The following PAXIP1 variants were observed in gnomAD, a reference collection of about 807,000 sequenced individuals.
PAXIP1 encodes PAX interacting protein 1, also known as PAX-interacting protein 1.
In PAXIP1, 19 loss-of-function variants were observed where a neutral mutation model predicts 140.6. The observed-to-expected ratio is 0.14, with a 90% CI of 0.09 to 0.20. The LOEUF is 0.20. PAXIP1 is among the 10% of genes least tolerant of loss of function. The probability of loss-of-function intolerance (pLI) is 1.00; values close to 1 mark genes in which losing one functional copy is unlikely to be tolerated. For synonymous variants in PAXIP1, 442 were observed against 444.6 expected, an observed-to-expected ratio of 0.99 and a Z score of 0.07; for missense variants, 920 against 1,208.6, an observed-to-expected ratio of 0.76 and a Z score of 3.54.
At chr7:154,990,822 C>A (rs1810296941) in intron 4 of PAXIP1, among the ~76,000 whole-genome samples, 184 bp downstream of exon 4, 1 of 152,048 alleles carries the variant, frequency 6.6e-6, no homozygotes, top group Non-Finnish European at 1.5e-5. Context: ...CCATTAAAAA[C>A]TTTAAATCTT....
At position 154,946,290 on chromosome 7, in the gene PAXIP1, T is replaced by G. The variant is rs1030065101; in HGVS notation, c.3194+75A>C. 6.2e-7 allele frequency: 1 copy of G among 1,607,270 alleles called. No individual in the cohort carries two copies. The highest frequency in any genetic ancestry group is 8.5e-7 in the Non-Finnish European group (1 of 1,175,874). ...AAAATGGCTTGCAAAACAGGAAAGG[T>G]ACTGCCTTATTAACCTGGGAAATCC... On this transcript the variant is annotated intron_variant, in intron 20 of 20. Transcript: ENST00000404141. The surrounding 1 kb of genome is among the most constrained non-coding windows in gnomAD (Gnocchi z 4.9).
chr7:155,003,245 G>A (rs554098717), upstream of PAXIP1, among the ~76,000 whole-genome samples: 4 of 89,158 alleles, frequency 4.5e-5, no homozygotes, highest in East Asian at 3.1e-4. Flanking sequence ...ACGGCTCCGG[G>A]GTAGCTGGCG....
At chr7:154,968,347 C>A in intron 7 of PAXIP1, 56 bp downstream of exon 7, 1 of 1,428,420 alleles carries the variant, frequency 7.0e-7, no homozygotes, top group Non-Finnish European at 9.4e-7. Context: ...ACTCTCAAAG[C>A]ATTTATGTGG....
chr7:154,946,150 C>T lies in PAXIP1; in HGVS notation c.3194+215G>A, dbSNP rs1270103157. ...TATAGATCCTTTCTAATTAACATCACCTATTAAAACTGAACTCTCAGTAAG... is the reference window on the plus strand; with the variant it reads ...TATAGATCCTTTCTAATTAACATCATCTATTAAAACTGAACTCTCAGTAAG... On this transcript the variant is annotated intron_variant, in intron 20 of 20. Transcript: ENST00000404141. The surrounding 1 kb of genome is among the most constrained non-coding windows in gnomAD (Gnocchi z 4.9). The T allele has an allele frequency of 1.1e-5, 11 of 977,344 alleles. No individual in the cohort carries two copies. The highest frequency in any genetic ancestry group is 1.1e-4 in the East Asian group (1 of 8,800). 60.5% of individuals were successfully genotyped at this position (977,344 alleles called of 1,614,324 possible).
At chr7:154,948,054 G>A in intron 16 of PAXIP1, 51 bp from the exon 17 acceptor site, 1 of 1,287,530 alleles carries the variant, frequency 7.8e-7, no homozygotes, top group Non-Finnish European at 1.1e-6. Context: ...CGTGAAGTGT[G>A]GCAAGTGTGA....
At chr7:154,964,996 A>G (rs1170617414) in intron 8 of PAXIP1, 1 of 152,246 alleles carries the variant, frequency 6.6e-6, no homozygotes, top group Non-Finnish European at 1.5e-5. Flanking sequence ...AAATTACTGT[A>G]TACTCCTCCC....
At chr7:155,002,656 T>C (rs1019127226) in intron 1 of PAXIP1, among the ~76,000 whole-genome samples, 193 bp downstream of exon 1, 1 of 151,062 alleles carries the variant, frequency 6.6e-6, no homozygotes, top group African/African-American at 2.4e-5. Context: ...CCTCCCGCAC[T>C]CCCCCGGGCC....
At chr7:154,957,056 T>C in intron 14 of PAXIP1, 168 bp downstream of exon 14, 2 of 526,244 alleles carry the variant, frequency 3.8e-6, no homozygotes, top group East Asian at 6.1e-5. Context: ...TATACTGGCC[T>C]ATGTCATTAA....
chr7:154,966,123 A>AT (rs1809004999), intron 8 of PAXIP1, among the ~76,000 whole-genome samples: 1 of 152,132 alleles, frequency 6.6e-6, no homozygotes, highest in Non-Finnish European at 1.5e-5. Context: ...AGGGAGGTAC[A>AT]TTTTTTACCA....
chr7:154,960,868 T>A, intron 12 of PAXIP1, 25 bp downstream of exon 12: 1 of 1,485,358 alleles, frequency 6.7e-7, no homozygotes, highest in South Asian at 1.3e-5. Flanking sequence ...TAAGTAAGAT[T>A]TGCAGCATGT....
chr7:154,996,483 T>C (rs1358688889), intron 2 of PAXIP1, among the ~76,000 whole-genome samples: 1 of 152,234 alleles, frequency 6.6e-6, no homozygotes, highest in Non-Finnish European at 1.5e-5. Context: ...TGGGTATTTC[T>C]ACTTAGCCTT....
At chr7:154,990,061 G>C (rs1415374906) in intron 4 of PAXIP1, among the ~76,000 whole-genome samples, 1 of 85,392 alleles carries the variant, frequency 1.2e-5, no homozygotes, top group Non-Finnish European at 2.3e-5. Context: ...TTTTTTTTGA[G>C]ATGGAGTTTT....
At chr7:154,999,886 C>T (rs985219941) in intron 1 of PAXIP1, among the ~76,000 whole-genome samples, 1 of 152,126 alleles carries the variant, frequency 6.6e-6, no homozygotes, top group African/African-American at 2.4e-5. Flanking sequence ...AGAGAGCAGA[C>T]ACAGCAACTG....
In PAXIP1 at chr7:154,986,512, C is replaced by T. The variant is rs144909420; in HGVS notation, c.325-3180G>A. ...GTACCCCTCTGCATTGCTCCTGTCACAAAGGAAGTACCCATCAAGGATTTG... is the reference window on the plus strand; with the variant it reads ...GTACCCCTCTGCATTGCTCCTGTCATAAAGGAAGTACCCATCAAGGATTTG... On this transcript the variant is annotated intron_variant, in intron 4 of 20. Coordinates refer to ENST00000404141, the MANE Select transcript of PAXIP1 (RefSeq NM_007349.4). This position sits in a 1 kb window ranked among gnomAD's most constrained non-coding sequence, Gnocchi z 4.8. 8.4e-4 allele frequency among the ~76,000 whole-genome samples: 128 copies of T among 152,298 alleles called. No homozygotes were observed. In the East Asian group the frequency reaches 0.013, roughly 15 times the overall value.
At chr7:154,972,019 A>G (rs1809354934) in intron 6 of PAXIP1, among the ~76,000 whole-genome samples, 2 of 152,214 alleles carry the variant, frequency 1.3e-5, no homozygotes, top group African/African-American at 4.8e-5. Flanking sequence ...CCACCGCTAG[A>G]GCACACAGCT....
Position 154,978,089 on chromosome 7 carries a change from C to A in PAXIP1, c.439-1758G>T, listed in dbSNP as rs781055629. 8.5e-5 allele frequency among the ~76,000 whole-genome samples: 13 copies of A among 152,304 alleles called. No homozygotes were observed. In the East Asian group the frequency reaches 2.5e-3, roughly 29 times the overall value. ...CTTCTCCTGAACTTTGTTTACGGAT[C>A]TCAAATTGATAAAGACTTTCTAAAC... On this transcript the variant is annotated intron_variant, in intron 5 of 20. Transcript: ENST00000404141.
In PAXIP1 at chr7:154,976,274, C is replaced by T; in HGVS notation, c.496G>A (p.Val166Ile). The change falls in exon 6 of 21, where the codon GTT becomes ATT. Residue 166 changes from valine to isoleucine, a missense_variant. Physicochemically the swap from Val to Ile is conservative, Grantham distance 29. This residue lies in a region of PAXIP1 where 419 missense variants were observed against 514.7 expected (regional missense o/e 0.81). Transcript: ENST00000404141. Reference sequence around the variant, plus strand: ...GTTTTCTCTGATACGCAATCCAGAACCCAGTCAGGAGTCACAATTTTAATA... The same window carrying T: ...GTTTTCTCTGATACGCAATCCAGAATCCAGTCAGGAGTCACAATTTTAATA... ...ASIKIVTPDW[V>I]LDCVSEKTKK... The T allele has an allele frequency of 1.2e-6, 2 of 1,613,002 alleles. No individual in the cohort carries two copies. Among genetic ancestry groups the T allele is most frequent in the Non-Finnish European group, 1.7e-6 (2 of 1,179,534 alleles).
At chr7:154,967,592 G>C (rs1809079413) in intron 8 of PAXIP1, 2 of 507,884 alleles carry the variant, frequency 3.9e-6, no homozygotes, top group Non-Finnish European at 6.9e-6. Context: ...TTTCCAAGCT[G>C]AAAAAAATAA....
At chr7:154,958,600 A>G (rs890297900) in intron 13 of PAXIP1, among the ~76,000 whole-genome samples, 11 of 152,198 alleles carry the variant, frequency 7.2e-5, no homozygotes, top group Admixed American at 2.0e-4. Context: ...TCTCAACTCT[A>G]TTTCCAAAGA....
Sources: gnomAD v4.1 joint callset for allele counts (sites outside exome capture counted in the v4.1 genomes callset) on GRCh38, gnomAD v4.1.1 for gene constraint, gnomAD v4.1.1 regional missense constraint, Gnocchi (gnomAD v3.1) non-coding constraint, MANE v1.5 for transcripts, NCBI Gene and HGNC (gene_info 2026-07-23, HGNC 2026-07-21) for gene names.